RORB: variants seen among roughly 807,000 people sequenced by gnomAD.
RORB encodes the protein nuclear receptor ROR-beta.
RORB carries 6 observed loss-of-function variants against 59.1 expected under a neutral mutation model. The observed-to-expected ratio is 0.10, with a 90% CI of 0.06 to 0.20. The LOEUF is 0.20. Among genes scored for constraint, RORB ranks in the 10% least tolerant of loss-of-function variants. The probability of loss-of-function intolerance (pLI) is 1.00; values close to 1 mark genes in which losing one functional copy is unlikely to be tolerated. For missense variants in RORB, 320 were observed against 560.5 expected (o/e 0.57, Z 4.33); for synonymous variants, 215 against 204.5 (o/e 1.05, Z -0.44).
intron 1 of RORB, chr9:74,615,549 C>G: frequency 2.2e-6 from 1 of 447,098 alleles, no homozygotes; most frequent in South Asian, 1.6e-5. Flanking sequence ...TCAGACCTCC[C>G]CAGTGAAAAG....
At chr9:74,652,278 C>G (rs538486017) in intron 4 of RORB, among the ~76,000 whole-genome samples, 3 of 152,048 alleles carry the variant, frequency 2.0e-5, no homozygotes, top group Admixed American at 2.0e-4. Context: ...TGTGGTGGCT[C>G]GTGCCTGTAG....
At chr9:74,549,118 T>C (rs1048254676) in intron 1 of RORB, among the ~76,000 whole-genome samples, 1 of 152,182 alleles carries the variant, frequency 6.6e-6, no homozygotes, top group South Asian at 2.1e-4. Context: ...TCTGTGAAAG[T>C]TGTACCTGTT....
intron 1 of RORB, among the ~76,000 whole-genome samples, chr9:74,586,030 G>A (rs1336708189): frequency 1.3e-5 from 2 of 151,754 alleles, no homozygotes; most frequent in African/African-American, 4.8e-5. Flanking sequence ...TCCTGACCTC[G>A]TGATCCGCCC....
At chr9:74,653,483 AG>A (rs1227453231) in intron 4 of RORB, among the ~76,000 whole-genome samples, 2 of 151,558 alleles carry the variant, frequency 1.3e-5, no homozygotes, top group East Asian at 3.9e-4. Flanking sequence ...TCCCTTGTGG[AG>A]AAAAATGAAT....
chr9:74,577,186 T>C (rs1822648934), intron 1 of RORB, among the ~76,000 whole-genome samples: 1 of 152,076 alleles, frequency 6.6e-6, no homozygotes, highest in African/African-American at 2.4e-5. Context: ...GTTTTTTTTC[T>C]CTCTATGTTC....
At chr9:74,600,089 T>G (rs1012332723) in intron 1 of RORB, among the ~76,000 whole-genome samples, 1 of 152,182 alleles carries the variant, frequency 6.6e-6, no homozygotes, top group Admixed American at 6.5e-5. Context: ...ATAATGACAC[T>G]TAGGGCCGCT....
chr9:74,574,087 A>G (rs1044390808), intron 1 of RORB, among the ~76,000 whole-genome samples: 2 of 152,066 alleles, frequency 1.3e-5, no homozygotes, highest in Non-Finnish European at 2.9e-5. Context: ...TCCGTTCTAG[A>G]TTTCCACAGC....
In RORB at chr9:74,642,784, G is replaced by C. The variant is rs1823833690; in HGVS notation, c.606G>C (p.Gln202His). The C allele has an allele frequency of 6.2e-7, 1 of 1,606,330 alleles. No individual in the cohort carries two copies. The highest frequency in any genetic ancestry group is 8.5e-7 in the Non-Finnish European group (1 of 1,174,424). Reference sequence around the variant, plus strand: ...CCTATAGCTCTTTCAACAATGGGCAGTTAGCACCAGGGATAACCATGACTG... The same window carrying C: ...CCTATAGCTCTTTCAACAATGGGCACTTAGCACCAGGGATAACCATGACTG... The part of the protein sequence containing the change: ...LFTYSSFNNG[Q>H]LAPGITMTEI... Residue 202 changes from glutamine (Q) to histidine (H), a missense_variant, in exon 4 of 10, where the codon CAG becomes CAC. Coordinates refer to ENST00000376896, the MANE Select transcript of RORB (RefSeq NM_006914.4).
intron 1 of RORB, among the ~76,000 whole-genome samples, chr9:74,524,003 CTTTTTTTTTTTT>C (rs10666385): frequency 2.4e-5 from 3 of 124,286 alleles, no homozygotes; most frequent in Non-Finnish European, 4.9e-5. Flanking sequence ...TCAACGACAC[CTTTTTTTTTTTT>C]TTTTTTTTAC....
intron 1 of RORB, among the ~76,000 whole-genome samples, chr9:74,597,754 T>G (rs992424680): frequency 2.0e-5 from 3 of 151,824 alleles, no homozygotes; most frequent in Non-Finnish European, 4.4e-5. Flanking sequence ...AGATCAGGAG[T>G]TCGAGACCAG....
chr9:74,619,569 A>G (rs1028792027), intron 1 of RORB, among the ~76,000 whole-genome samples: 1 of 152,078 alleles, frequency 6.6e-6, no homozygotes, highest in African/African-American at 2.4e-5. Flanking sequence ...CTCCTGCCTC[A>G]GCCTCCTGAG....
intron 2 of RORB, 44 bp downstream of exon 2, chr9:74,630,411 ATC>A (rs768339219): frequency 1.4e-6 from 2 of 1,479,700 alleles, no homozygotes; most frequent in South Asian, 2.5e-5. Context: ...TGCCTCAGGC[ATC>A]TGTGTACCTC....
At chr9:74,658,625 A>C (rs894532346) in intron 4 of RORB, among the ~76,000 whole-genome samples, 1 of 152,214 alleles carries the variant, frequency 6.6e-6, no homozygotes, top group African/African-American at 2.4e-5. Flanking sequence ...TACACCAAGA[A>C]GATAATAGTT....
chr9:74,520,373 A>G (rs1826068220), intron 1 of RORB, among the ~76,000 whole-genome samples: 1 of 151,896 alleles, frequency 6.6e-6, no homozygotes, highest in South Asian at 2.1e-4. Context: ...AGAAAAAAAC[A>G]ACTTTGAAAA....
chr9:74,657,710 A>G (rs1264734368), intron 4 of RORB, among the ~76,000 whole-genome samples: 1 of 152,144 alleles, frequency 6.6e-6, no homozygotes, highest in Admixed American at 6.5e-5. Flanking sequence ...AGATACTTTA[A>G]AACACAGGCA....
chr9:74,498,344 A>T, intron 1 of RORB: 1 of 212,362 alleles, frequency 4.7e-6, no homozygotes, highest in East Asian at 9.7e-5. Flanking sequence ...GGACAGGAGC[A>T]GTTTGGAAGC....
At chr9:74,581,598 G>A (rs889964755) in intron 1 of RORB, among the ~76,000 whole-genome samples, 6 of 152,116 alleles carry the variant, frequency 3.9e-5, no homozygotes, top group Non-Finnish European at 5.9e-5. Context: ...AAAATACAAA[G>A]GAGCAAGAGA....
rs571619954 is a variant in RORB, at chr9:74,544,558, A to C, written c.7+46575A>C. ...TCATCTTCAGAGCCTGAATGTCTTC[A>C]CCTGACTCCCTTCTTGCCTATTCTT... On this transcript the variant is annotated intron_variant, in intron 1 of 9. Transcript: ENST00000376896. 2.0e-5 allele frequency among the ~76,000 whole-genome samples: 3 copies of C among 152,238 alleles called. No individual in the cohort carries two copies. The East Asian group carries it at 5.8e-4, about 29-fold the overall frequency.
At chr9:74,511,768 A>G (rs1825942902) in intron 1 of RORB, among the ~76,000 whole-genome samples, 1 of 149,952 alleles carries the variant, frequency 6.7e-6, no homozygotes, top group Non-Finnish European at 1.5e-5. Context: ...TTAATGGCTC[A>G]TTTATAAAAT....
Sources: allele counts gnomAD v4.1 joint callset (sites outside exome capture counted in the v4.1 genomes callset), GRCh38; gene constraint gnomAD v4.1.1; transcripts MANE v1.5; gene names NCBI Gene and HGNC (gene_info 2026-07-23, HGNC 2026-07-21).